The following SHISA9 variants were observed in gnomAD, a reference collection of about 807,000 sequenced individuals.
SHISA9 encodes protein shisa-9.
SHISA9 carries 13 observed loss-of-function variants against 38.0 expected under a neutral mutation model. That is an observed-to-expected ratio of 0.34 (90% CI 0.22 to 0.54). SHISA9 has a LOEUF of 0.54. Among genes scored for constraint, SHISA9 ranks in the 20% least tolerant of loss-of-function variants. SHISA9 has a pLI of 0.91. For synonymous variants in SHISA9, 275 were observed against 242.0 expected, an observed-to-expected ratio of 1.14 and a Z score of -1.27; for missense variants, 538 against 575.8, an observed-to-expected ratio of 0.93 and a Z score of 0.67.
the SHISA9 span, among the ~76,000 whole-genome samples, chr16:13,541,606 G>T: frequency 9.9e-5 from 15 of 152,186 alleles, no homozygotes; most frequent in African/African-American, 1.7e-4. Context: ...AGAGCACACA[G>T]TTAAAACTCA....
chr16:13,447,044 A>AG, the SHISA9 span, among the ~76,000 whole-genome samples: 160 of 151,678 alleles, frequency 1.1e-3, 2 homozygotes, highest in African/African-American at 2.8e-3. Flanking sequence ...TAAAAAAAAA[A>AG]AGAGAGAGAG....
intron 2 of SHISA9, among the ~76,000 whole-genome samples, chr16:13,005,158 G>T (rs1353378896): frequency 6.6e-6 from 1 of 151,988 alleles, no homozygotes; most frequent in Non-Finnish European, 1.5e-5. Flanking sequence ...GGAGGGAAGA[G>T]TGTATCACTG....
chr16:13,139,495 C>T (rs2050381157), intron 2 of SHISA9, among the ~76,000 whole-genome samples: 1 of 149,440 alleles, frequency 6.7e-6, no homozygotes, highest in Admixed American at 6.8e-5. Context: ...TCTTTCTTTT[C>T]TCCCTTCATC....
intron 2 of SHISA9, among the ~76,000 whole-genome samples, chr16:12,923,801 A>G (rs1385100021): frequency 6.6e-6 from 1 of 151,880 alleles, no homozygotes; most frequent in Non-Finnish European, 1.5e-5. Context: ...AGATCACGTC[A>G]CTGCACCCCA....
intron 2 of SHISA9, among the ~76,000 whole-genome samples, chr16:12,961,027 G>C (rs2071904525): frequency 6.6e-6 from 1 of 151,866 alleles, no homozygotes; most frequent in South Asian, 2.1e-4. Context: ...GTAACATGTG[G>C]GGGGGATGAT....
chr16:13,469,425 A>AAAG, the SHISA9 span, among the ~76,000 whole-genome samples: 8 of 117,300 alleles, frequency 6.8e-5, no homozygotes, highest in African/African-American at 1.9e-4. Flanking sequence ...AAGAAAGAAA[A>AAAG]AGAAAGAAAG....
chr16:12,931,084 T>C (rs1386675349), intron 2 of SHISA9, among the ~76,000 whole-genome samples: 4 of 152,188 alleles, frequency 2.6e-5, no homozygotes, highest in Non-Finnish European at 5.9e-5. Context: ...ATGCAGTCTC[T>C]GGATGTTCCG....
chr16:13,415,702 T>C, the SHISA9 span, among the ~76,000 whole-genome samples: 1 of 152,168 alleles, frequency 6.6e-6, no homozygotes, highest in Non-Finnish European at 1.5e-5. Context: ...GAATGGATTA[T>C]CCAGAAAGAT....
chr16:13,195,494 T>C (rs897666247), intron 2 of SHISA9, among the ~76,000 whole-genome samples: 16 of 152,206 alleles, frequency 1.1e-4, no homozygotes, highest in African/African-American at 3.6e-4. Flanking sequence ...CCAAATAGTT[T>C]ATGTAGATAT....
At chr16:13,041,905 A>G (rs1244291160) in intron 2 of SHISA9, among the ~76,000 whole-genome samples, 1 of 152,222 alleles carries the variant, frequency 6.6e-6, no homozygotes, top group African/African-American at 2.4e-5. Context: ...AATATTTAGC[A>G]CATATGAGTA....
intron 2 of SHISA9, among the ~76,000 whole-genome samples, chr16:12,973,122 C>G (rs1053397842): frequency 6.6e-6 from 1 of 152,080 alleles, no homozygotes; most frequent in African/African-American, 2.4e-5. Context: ...TTTCACCCCT[C>G]CGCTCCCCCC....
At chr16:13,357,665 C>G in the SHISA9 span, among the ~76,000 whole-genome samples, 3 of 151,930 alleles carry the variant, frequency 2.0e-5, no homozygotes, top group African/African-American at 4.8e-5. Flanking sequence ...GGGCTGAGTC[C>G]AAAAAGAGAG....
chr16:13,444,810 TCTTCCCTTCC>T, the SHISA9 span, among the ~76,000 whole-genome samples: 6 of 149,314 alleles, frequency 4.0e-5, no homozygotes, highest in South Asian at 2.2e-4. Context: ...CTTCCCTCCA[TCTTCCCTTCC>T]CTTCCCTTCC....
intron 2 of SHISA9, among the ~76,000 whole-genome samples, chr16:13,126,801 GGA>G (rs527384974): frequency 0.014 from 1,928 of 136,518 alleles, 18 homozygotes; most frequent in South Asian, 0.019. Flanking sequence ...ACTGAGGGGA[GGA>G]GAGAGAGAGA....
chr16:13,391,363 C>T, the SHISA9 span, among the ~76,000 whole-genome samples: 1 of 152,122 alleles, frequency 6.6e-6, no homozygotes, highest in African/African-American at 2.4e-5. Context: ...TAGCTCTGTA[C>T]AGCAGAGATT....
At chr16:13,351,187 C>A in the SHISA9 span, among the ~76,000 whole-genome samples, 1 of 152,142 alleles carries the variant, frequency 6.6e-6, no homozygotes, top group African/African-American at 2.4e-5. Context: ...AAACCCAAAT[C>A]CCTGTCACAT....
the SHISA9 span, among the ~76,000 whole-genome samples, chr16:13,444,938 C>A: frequency 6.9e-6 from 1 of 144,292 alleles, no homozygotes; most frequent in Non-Finnish European, 1.5e-5. Flanking sequence ...TGTGTCTCAG[C>A]CTCCCAGAGA....
intron 4 of SHISA9, among the ~76,000 whole-genome samples, chr16:13,231,372 G>A (rs1351082697): frequency 6.6e-6 from 1 of 152,202 alleles, no homozygotes; most frequent in African/African-American, 2.4e-5. Context: ...GAAACTTTGA[G>A]TATTCTTCTA....
the SHISA9 span, among the ~76,000 whole-genome samples, chr16:13,367,397 G>A: frequency 2.0e-5 from 3 of 150,324 alleles, no homozygotes; most frequent in Admixed American, 1.3e-4. Flanking sequence ...TATCAGTCAC[G>A]TTATAGACAT....
Sources: allele counts gnomAD v4.1 joint callset (sites outside exome capture counted in the v4.1 genomes callset), GRCh38; gene constraint gnomAD v4.1.1; transcripts MANE v1.5; gene names NCBI Gene and HGNC (gene_info 2026-07-23, HGNC 2026-07-21).